Variants in POC1B observed in about 807,000 individuals in gnomAD.
POC1B encodes the protein POC1 centriolar protein homolog B.
In POC1B, 44 loss-of-function variants were observed where a neutral mutation model predicts 60.6. The ratio of observed to expected loss-of-function variants is 0.73; its 90% CI spans 0.57 to 0.93. The LOEUF (loss-of-function observed/expected upper bound fraction) is 0.93. Ranked by LOEUF, POC1B falls within the 40% of genes least tolerant of loss-of-function variation. The probability of loss-of-function intolerance (pLI) is 0.00; values close to 1 mark genes in which losing one functional copy is unlikely to be tolerated. For missense variants in POC1B, 555 were observed against 572.3 expected (o/e 0.97, Z 0.31); for synonymous variants, 180 against 198.9 (o/e 0.90, Z 0.80).
At chr12:89,499,972 A>G in intron 2 of POC1B, 1 of 697,544 alleles carries the variant, frequency 1.4e-6, no homozygotes. Flanking sequence ...CCTTCGACTT[A>G]AGGGTGTTGC....
chr12:89,453,280 A>C (rs991169445), intron 10 of POC1B, among the ~76,000 whole-genome samples: 7 of 152,316 alleles, frequency 4.6e-5, no homozygotes, highest in African/African-American at 1.7e-4. Flanking sequence ...TGAGTTACCG[A>C]ATAAAAAATT....
chr12:89,515,762 T>G (rs567669240), intron 2 of POC1B, among the ~76,000 whole-genome samples: 1 of 152,154 alleles, frequency 6.6e-6, no homozygotes, highest in African/African-American at 2.4e-5. Context: ...CTCACTTCCA[T>G]CCCATCCAGA....
chr12:89,501,303 T>C (rs978791502), intron 2 of POC1B: 41 of 1,004,754 alleles, frequency 4.1e-5, no homozygotes, highest in Non-Finnish European at 6.2e-5. Flanking sequence ...CTACAAAATA[T>C]GAAATGTATT....
At chr12:89,518,650 T>G (rs1256760297) in intron 2 of POC1B, among the ~76,000 whole-genome samples, 2 of 152,160 alleles carry the variant, frequency 1.3e-5, no homozygotes, top group Non-Finnish European at 2.9e-5. Context: ...TGCCAAAAAT[T>G]CATCTCTGTT....
At chr12:89,416,478 G>C (rs1476407024), downstream of POC1B, among the ~76,000 whole-genome samples, 1 of 152,218 alleles carries the variant, frequency 6.6e-6, no homozygotes, top group African/African-American at 2.4e-5. Context: ...AAGGAGGCAT[G>C]CTCGGAAAAT....
intron 10 of POC1B, among the ~76,000 whole-genome samples, chr12:89,457,101 CT>C (rs892479047): frequency 6.6e-6 from 1 of 152,138 alleles, no homozygotes; most frequent in Admixed American, 6.5e-5. Flanking sequence ...TTAAACACTA[CT>C]TTTTTTGGCT....
intron 2 of POC1B, among the ~76,000 whole-genome samples, chr12:89,518,389 C>T (rs1870571924): frequency 6.6e-6 from 1 of 152,176 alleles, no homozygotes; most frequent in South Asian, 2.1e-4. Context: ...ATACTAAATA[C>T]TACTAGCCTG....
At chr12:89,440,087 C>T (rs1881449469) in intron 10 of POC1B, among the ~76,000 whole-genome samples, 1 of 152,180 alleles carries the variant, frequency 6.6e-6, no homozygotes, top group Admixed American at 6.5e-5. Context: ...GTGTCCGACA[C>T]GTTCATTTTT....
chr12:89,432,428 A>C (rs1484089940), intron 10 of POC1B, among the ~76,000 whole-genome samples: 2 of 140,734 alleles, frequency 1.4e-5, no homozygotes, highest in East Asian at 2.3e-4. Context: ...TAACTTAATC[A>C]CATTGGCAAA....
At chr12:89,475,357 G>A (rs1327852216) in intron 4 of POC1B, among the ~76,000 whole-genome samples, 4 of 152,176 alleles carry the variant, frequency 2.6e-5, no homozygotes, top group Non-Finnish European at 5.9e-5. Flanking sequence ...GTGCCAGAAG[G>A]AGGCGAGGTT....
Position 89,497,216 on chromosome 12 carries a change from G to A in POC1B, c.227C>T (p.Ala76Val), listed in dbSNP as rs538799207. ...CACGGTTCTGTCTCGTGAGGCAGAC[G>A]CCAATAAGTTTCCATGTGGAGAAAA... is the stretch of plus-strand genomic sequence containing the variant. ...VQFSPHGNLL[A>V]SASRDRTVRL... is the part of the protein sequence containing the mutation. The change falls in exon 3 of 12, where the codon GCG (alanine) becomes GTG (valine). Residue 76 changes from alanine (A) to valine (V), a missense_variant. Transcript: ENST00000313546. The A allele has an allele frequency of 2.2e-5, 36 of 1,613,886 alleles. No homozygotes were observed. The highest frequency in any genetic ancestry group is 2.9e-5 in the Non-Finnish European group (34 of 1,179,996).
At chr12:89,441,572 C>T (rs936506289) in intron 10 of POC1B, among the ~76,000 whole-genome samples, 4 of 152,112 alleles carry the variant, frequency 2.6e-5, no homozygotes, top group Admixed American at 2.0e-4. Flanking sequence ...TAGAAGGAAA[C>T]CTAACAAACA....
intron 4 of POC1B, among the ~76,000 whole-genome samples, chr12:89,491,098 A>C (rs1868942808): frequency 6.6e-6 from 1 of 152,072 alleles, no homozygotes; most frequent in Admixed American, 6.5e-5. Context: ...TGACCTGGCC[A>C]GCCTCCCTGG....
At chr12:89,504,694 T>A (rs1343195763) in intron 2 of POC1B, among the ~76,000 whole-genome samples, 3 of 151,888 alleles carry the variant, frequency 2.0e-5, no homozygotes, top group Admixed American at 6.6e-5. Flanking sequence ...AGAAGTTTTG[T>A]TCACTGAGAG....
chr12:89,433,082 T>C (rs1396720637), intron 10 of POC1B, among the ~76,000 whole-genome samples: 3 of 152,048 alleles, frequency 2.0e-5, no homozygotes, highest in Non-Finnish European at 2.9e-5. Context: ...CTGACATGAA[T>C]GGAAGAGTGG....
chr12:89,421,165 T>C lies in POC1B; in HGVS notation c.1425A>G (p.Gln475=), dbSNP rs759665142. The C allele has an allele frequency of 1.9e-6, 3 of 1,590,092 alleles. No homozygotes were observed. Among genetic ancestry groups the C allele is most frequent in the Admixed American group, 3.4e-5 (2 of 59,394 alleles). The change falls in exon 12 of 12, where the codon CAA becomes CAG. Residue 475 remains glutamine (Q), a synonymous_variant. Coordinates refer to ENST00000313546, the MANE Select transcript of POC1B (RefSeq NM_172240.3). ...ATGAATTTTTTATTCAGCTTTTCTG[T>C]TGGACAGCACTGAAAAGCTTTTGCT... The part of the protein sequence containing the change: ...ENQQKLFSAV[Q]QKS
chr12:89,472,173 G>T lies in POC1B; in HGVS notation c.555C>A (p.Ser185=). The part of the protein sequence containing the change: ...NKQCVNNFSD[S]VGFANFVDFN... ...CACAAAGAAAGTGTACTTACCCAACGGAATCTGAGAAGTTATTAACACATT... is the reference window on the plus strand; with the variant it reads ...CACAAAGAAAGTGTACTTACCCAACTGAATCTGAGAAGTTATTAACACATT... Residue 185 remains serine, a synonymous_variant, in exon 5 of 12, where the codon TCC becomes TCA. Coordinates refer to ENST00000313546, the MANE Select transcript of POC1B (RefSeq NM_172240.3). 6.4e-7 allele frequency: 1 copy of T among 1,573,354 alleles called. No individual in the cohort carries two copies. The highest frequency in any genetic ancestry group is 1.1e-5 in the South Asian group (1 of 88,734).
intron 10 of POC1B, among the ~76,000 whole-genome samples, chr12:89,442,223 G>A (rs920242502): frequency 1.3e-5 from 2 of 152,144 alleles, no homozygotes; most frequent in African/African-American, 4.8e-5. Context: ...TAGCAAGGCA[G>A]GCCAACATTC....
downstream of POC1B, among the ~76,000 whole-genome samples, chr12:89,417,965 C>T (rs987911913): frequency 2.6e-5 from 4 of 152,178 alleles, no homozygotes; most frequent in Admixed American, 1.3e-4. Context: ...ACACAATATA[C>T]GCTGTGTGCC....
Sources: gnomAD v4.1 joint callset for allele counts (sites outside exome capture counted in the v4.1 genomes callset) on GRCh38, gnomAD v4.1.1 for gene constraint, MANE v1.5 for transcripts, NCBI Gene and HGNC (gene_info 2026-07-23, HGNC 2026-07-21) for gene names.